FBXL2: variants seen among roughly 807,000 people sequenced by gnomAD.
FBXL2 encodes F-box/LRR-repeat protein 2.
In FBXL2, 38 loss-of-function variants were observed where a neutral mutation model predicts 69.2. The ratio of observed to expected loss-of-function variants is 0.55; its 90% CI spans 0.42 to 0.72. FBXL2 has a LOEUF of 0.72. Among genes scored for constraint, FBXL2 ranks in the 30% least tolerant of loss-of-function variants. The pLI is 0.00. For synonymous variants in FBXL2, 192 were observed against 201.3 expected (o/e 0.95, Z 0.39); for missense variants, 354 against 520.3 (o/e 0.68, Z 3.11).
chr3:33,349,527 G>A lies in FBXL2; in HGVS notation c.66-9440G>A, dbSNP rs566110989. On this transcript the variant is annotated intron_variant, in intron 2 of 14. Transcript: ENST00000484457. ...TGTTAGTATTTTGTTGAGAATTTTT[G>A]CATCAATATTCATCAGAGATGTTGG... Among the ~76,000 whole-genome samples the A allele has an allele frequency of 2.0e-5, 3 of 152,234 alleles. No individual in the cohort carries two copies. In the South Asian group the frequency reaches 6.2e-4, roughly 32 times the overall value.
chr3:33,334,957 C>G (rs189082838), intron 2 of FBXL2, among the ~76,000 whole-genome samples: 92 of 151,840 alleles, frequency 6.1e-4, no homozygotes, highest in Non-Finnish European at 1.2e-3. Flanking sequence ...ATATGTATGT[C>G]GGGCATGGTG....
intron 1 of FBXL2, among the ~76,000 whole-genome samples, chr3:33,289,954 C>T (rs577360503): frequency 3.9e-5 from 6 of 152,132 alleles, no homozygotes; most frequent in Admixed American, 3.9e-4. Context: ...TAGGCTTTTA[C>T]TGAGGACAAG....
At chr3:33,378,790 C>A (rs1487418891) in intron 13 of FBXL2, 49 bp downstream of exon 13, 1 of 1,613,778 alleles carries the variant, frequency 6.2e-7, no homozygotes, top group Admixed American at 1.7e-5. Flanking sequence ...GATGAAAGAG[C>A]CCTCCCACCA....
intron 1 of FBXL2, among the ~76,000 whole-genome samples, chr3:33,281,544 C>T (rs192950215): frequency 6.6e-6 from 1 of 152,086 alleles, no homozygotes; most frequent in Non-Finnish European, 1.5e-5. Flanking sequence ...ATTTATAATC[C>T]TTTGGGTATA....
intron 5 of FBXL2, among the ~76,000 whole-genome samples, chr3:33,368,384 AT>A (rs1270926410): frequency 5.9e-5 from 9 of 152,202 alleles, no homozygotes; most frequent in African/African-American, 1.9e-4. Flanking sequence ...CTCTGTTACT[AT>A]GTATATAAAC....
the FBXL2 span, chr3:33,409,130 C>G: frequency 9.3e-7 from 1 of 1,081,080 alleles, no homozygotes; most frequent in Non-Finnish European, 1.4e-6. Flanking sequence ...ACATGTCAAA[C>G]TGCCACCCAA....
chr3:33,405,621 G>A (rs1171616785), downstream of FBXL2, among the ~76,000 whole-genome samples: 1 of 152,160 alleles, frequency 6.6e-6, no homozygotes, highest in Non-Finnish European at 1.5e-5. Flanking sequence ...GAGGCCAGGA[G>A]TTGGGGATCA....
chr3:33,393,519 T>C (rs913161439), intron 12 of FBXL2: 20 of 1,503,962 alleles, frequency 1.3e-5, no homozygotes, highest in Non-Finnish European at 1.7e-5. Flanking sequence ...TTCTGCCTGA[T>C]CTGTAGGATC....
intron 13 of FBXL2, chr3:33,382,419 G>A (rs1359922389): frequency 1.3e-5 from 2 of 152,080 alleles, no homozygotes; most frequent in Non-Finnish European, 2.9e-5. Context: ...CAAAAGTCGT[G>A]ACTTCCAAAT....
intron 2 of FBXL2, among the ~76,000 whole-genome samples, chr3:33,358,741 G>A (rs1440176938): frequency 6.6e-6 from 1 of 152,296 alleles, no homozygotes; most frequent in South Asian, 2.1e-4. Context: ...AGCTTAATGA[G>A]TTCTAAGGTA....
intron 2 of FBXL2, among the ~76,000 whole-genome samples, chr3:33,316,079 G>A (rs2037662488): frequency 6.9e-6 from 1 of 145,884 alleles, no homozygotes; most frequent in African/African-American, 2.6e-5. Flanking sequence ...TTTTTTTTGA[G>A]ACAGGGTCTT....
At chr3:33,372,011 T>G (rs2042333879) in intron 5 of FBXL2, among the ~76,000 whole-genome samples, 1 of 152,246 alleles carries the variant, frequency 6.6e-6, no homozygotes. Flanking sequence ...TTTAATGCTT[T>G]TTGTTCATTC....
the FBXL2 span, chr3:33,416,011 A>G: frequency 1.3e-5 from 2 of 152,116 alleles, no homozygotes; most frequent in African/African-American, 4.8e-5. Flanking sequence ...CTTACCCACT[A>G]AAAAGGCAGA....
Position 33,377,331 on chromosome 3 carries a change from C to T in FBXL2, c.847C>T (p.Arg283Trp), listed in dbSNP as rs758339200. 6 of 1,613,844 alleles carry T rather than the reference C, an allele frequency of 3.7e-6. No homozygotes were observed. The highest frequency in any genetic ancestry group is 1.3e-5 in the African/African-American group (1 of 74,882). The change falls in exon 11 of 15, where the codon CGG (arginine) becomes TGG (tryptophan). Residue 283 changes from arginine to tryptophan, a missense_variant and splice_region_variant. Physicochemically the swap from Arg to Trp is moderately radical, Grantham distance 101. Transcript: ENST00000484457. ...TGACGCAGGTTTTACACTTTTAGCT[C>T]GGGTAAGGCATAGATTTAAAGAATA... is the stretch of plus-strand genomic sequence containing the variant. Reference protein sequence around the residue: ...LTDAGFTLLARNCHELEKMDL... With the variant: ...LTDAGFTLLAWNCHELEKMDL...
intron 1 of FBXL2, among the ~76,000 whole-genome samples, chr3:33,293,900 C>T (rs1357049297): frequency 6.6e-6 from 1 of 152,178 alleles, no homozygotes; most frequent in Non-Finnish European, 1.5e-5. Flanking sequence ...GAACACTTAA[C>T]CCAATCACAC....
intron 2 of FBXL2, among the ~76,000 whole-genome samples, chr3:33,346,718 A>G (rs897214751): frequency 5.3e-5 from 8 of 152,162 alleles, no homozygotes; most frequent in Admixed American, 5.2e-4. Flanking sequence ...ACCAAGATAA[A>G]AGAAGAACTG....
At chr3:33,420,587 C>T in the FBXL2 span, among the ~76,000 whole-genome samples, 10 of 150,084 alleles carry the variant, frequency 6.7e-5, no homozygotes, top group African/African-American at 2.2e-4. Context: ...CTCCTGGGTT[C>T]AAACGGTTCT....
In FBXL2 at chr3:33,277,482, G is replaced by A; in HGVS notation, c.-31G>A. ...GGCGTCGCCGGCGCCGTGTGACTTC[G>A]GGCTGTGGGCTCGCTCGCGGCTCTT... is the stretch of plus-strand genomic sequence containing the variant. On this transcript the variant is annotated 5_prime_UTR_variant, in exon 1 of 15. Transcript: ENST00000484457. 1 of 1,289,156 alleles carries A rather than the reference G, an allele frequency of 7.8e-7. No individual in the cohort carries two copies. The highest frequency in any genetic ancestry group is 2.1e-4 in the Middle Eastern group (1 of 4,848). 79.9% of individuals were successfully genotyped at this position (1,289,156 alleles called of 1,614,324 possible). A position where few individuals can be genotyped will look rare whatever the true frequency, so the allele number is the denominator to read the frequency against.
upstream of FBXL2, chr3:33,277,348 C>A: frequency 1.6e-6 from 1 of 635,210 alleles, no homozygotes. Flanking sequence ...GGTGGGCGGT[C>A]CAAAGGGCAC....
Sources: allele counts gnomAD v4.1 joint callset (sites outside exome capture counted in the v4.1 genomes callset), GRCh38; gene constraint gnomAD v4.1.1; transcripts MANE v1.5; gene names NCBI Gene and HGNC (gene_info 2026-07-23, HGNC 2026-07-21).